Variants in MAP4K4 observed in about 807,000 individuals in gnomAD.
MAP4K4 encodes the protein mitogen-activated protein kinase kinase kinase kinase 4.
MAP4K4 carries 38 observed loss-of-function variants against 189.6 expected under a neutral mutation model. The ratio of observed to expected loss-of-function variants is 0.20; its 90% CI spans 0.15 to 0.26. The LOEUF (loss-of-function observed/expected upper bound fraction) is 0.26, where lower values mean the gene tolerates loss of function less well. MAP4K4 is among the 10% of genes least tolerant of loss of function. The pLI, the probability that MAP4K4 is intolerant of heterozygous loss-of-function variation, is 1.00. For synonymous variants in MAP4K4, 610 were observed against 624.3 expected, an observed-to-expected ratio of 0.98 and a Z score of 0.34; for missense variants, 1,054 against 1,726.9, an observed-to-expected ratio of 0.61 and a Z score of 6.91.
chr2:101,864,341 GT>G (rs1327672438), intron 17 of MAP4K4, among the ~76,000 whole-genome samples: 1 of 151,992 alleles, frequency 6.6e-6, no homozygotes, highest in Non-Finnish European at 1.5e-5. Flanking sequence ...TATTTTAGCA[GT>G]TTTTTATATG....
chr2:101,737,686 T>C (rs929135813), intron 2 of MAP4K4, among the ~76,000 whole-genome samples: 2 of 151,544 alleles, frequency 1.3e-5, no homozygotes, highest in African/African-American at 2.4e-5. Context: ...TTTGAATTGC[T>C]CAAGGCTGGG....
At chr2:101,868,488 T>G (rs759206974) in intron 21 of MAP4K4, among the ~76,000 whole-genome samples, 1 of 152,264 alleles carries the variant, frequency 6.6e-6, no homozygotes, top group African/African-American at 2.4e-5. Flanking sequence ...TATGAAAATG[T>G]GGAGTATAAA....
intron 27 of MAP4K4, among the ~76,000 whole-genome samples, chr2:101,881,729 A>G (rs1383349853): frequency 6.6e-6 from 1 of 152,098 alleles, no homozygotes; most frequent in Non-Finnish European, 1.5e-5. Flanking sequence ...GAAAGTTTTT[A>G]TTATAAGTAG....
chr2:101,824,841 T>C (rs2096278932), intron 4 of MAP4K4, among the ~76,000 whole-genome samples: 1 of 152,210 alleles, frequency 6.6e-6, no homozygotes, highest in Non-Finnish European at 1.5e-5. Context: ...CTGTAAATAT[T>C]GCATTAAAAA....
At chr2:101,810,029 A>G (rs535110534) in intron 3 of MAP4K4, among the ~76,000 whole-genome samples, 50 of 152,366 alleles carry the variant, frequency 3.3e-4, no homozygotes, top group African/African-American at 1.1e-3. Context: ...TTCATTGTCT[A>G]ATTGGGTGTG....
chr2:101,813,078 A>C (rs1164078255), intron 3 of MAP4K4, among the ~76,000 whole-genome samples: 5 of 152,168 alleles, frequency 3.3e-5, no homozygotes, highest in Non-Finnish European at 7.4e-5. Flanking sequence ...GCAGTGAGCC[A>C]AGATAGTGCC....
intron 9 of MAP4K4, among the ~76,000 whole-genome samples, chr2:101,838,490 C>CT (rs1363433049): frequency 6.6e-6 from 1 of 152,184 alleles, no homozygotes; most frequent in Non-Finnish European, 1.5e-5. Context: ...TCATTATTCT[C>CT]TAACACTTCC....
intron 5 of MAP4K4, 117 bp from the exon 6 acceptor site, chr2:101,829,387 T>C (rs754147335): frequency 3.1e-6 from 2 of 652,744 alleles, no homozygotes; most frequent in Non-Finnish European, 2.8e-6. Flanking sequence ...GAAGTTAATG[T>C]TCATGAGCTC....
At chr2:101,825,264 T>C in intron 4 of MAP4K4, 55 bp from the exon 5 acceptor site, 1 of 1,133,608 alleles carries the variant, frequency 8.8e-7, no homozygotes, top group Non-Finnish European at 1.3e-6. Context: ...GTTAAACTGG[T>C]TTTCCCAATT....
At chr2:101,846,231 TAATA>T (rs891889240) in intron 12 of MAP4K4, among the ~76,000 whole-genome samples, 3 of 152,250 alleles carry the variant, frequency 2.0e-5, no homozygotes, top group Non-Finnish European at 2.9e-5. Context: ...TCTTTGAACG[TAATA>T]AATCTTGAAT....
At position 101,790,934 on chromosome 2, in the gene MAP4K4, T is replaced by A. The variant is rs3732313; in HGVS notation, c.180+158T>A. 9.2e-5 allele frequency among the ~76,000 whole-genome samples: 14 copies of A among 152,308 alleles called. No individual in the cohort carries two copies. The East Asian group carries it at 2.7e-3, about 29-fold the overall frequency. ...CATAGGTCCAGTGGACTAGTTGGCC[T>A]AAATTGTAGTACACGGTCTCCAAGT... On this transcript the variant is annotated intron_variant, in intron 3 of 32. Transcript: ENST00000324219.
At chr2:101,846,756 A>G (rs934560845) in intron 12 of MAP4K4, among the ~76,000 whole-genome samples, 2 of 152,212 alleles carry the variant, frequency 1.3e-5, no homozygotes, top group Non-Finnish European at 2.9e-5. Flanking sequence ...CTTAATTAGG[A>G]AAGATTAAGA....
Position 101,860,145 on chromosome 2 carries a change from C to T in MAP4K4, c.1704+281C>T, listed in dbSNP as rs80299415. 3,383 of 487,440 alleles carry T rather than the reference C, an allele frequency of 6.9e-3. 101 individuals carry two copies. The highest frequency in any genetic ancestry group is 0.058 in the African/African-American group (2,993 of 51,802). The allele number at this position is 487,440 out of a possible 1,614,324, so 30.2% of individuals were successfully genotyped here. A position where few individuals can be genotyped will look rare whatever the true frequency, so the allele number is the denominator to read the frequency against. On this transcript the variant is annotated intron_variant, in intron 15 of 32. Coordinates refer to ENST00000324219, the Ensembl canonical transcript of MAP4K4. Reference sequence around the variant, plus strand: ...ACTAAAAGATTACATGACACAGTCACTCTTAAAAATGTGGATGAGGGAAAG... The same window carrying T: ...ACTAAAAGATTACATGACACAGTCATTCTTAAAAATGTGGATGAGGGAAAG...
chr2:101,780,094 G>T (rs1465028879), intron 2 of MAP4K4, among the ~76,000 whole-genome samples: 1 of 152,172 alleles, frequency 6.6e-6, no homozygotes, highest in Non-Finnish European at 1.5e-5. Flanking sequence ...TATGAATAGT[G>T]TACATATACG....
chr2:101,817,207 T>C (rs1450971887), intron 3 of MAP4K4, among the ~76,000 whole-genome samples: 1 of 152,080 alleles, frequency 6.6e-6, no homozygotes, highest in African/African-American at 2.4e-5. Flanking sequence ...CTCGACGAGG[T>C]CAACTGTCAG....
intron 2 of MAP4K4, among the ~76,000 whole-genome samples, chr2:101,737,235 G>A (rs976568516): frequency 1.3e-5 from 2 of 151,764 alleles, no homozygotes; most frequent in African/African-American, 4.8e-5. Context: ...GTTTCTGGGA[G>A]ACCTGAAAAT....
intron 2 of MAP4K4, among the ~76,000 whole-genome samples, chr2:101,744,787 A>G (rs1456004947): frequency 6.6e-6 from 1 of 152,206 alleles, no homozygotes; most frequent in East Asian, 1.9e-4. Context: ...TGAGTGGCTT[A>G]AAACAAAATG....
chr2:101,760,503 A>AT (rs2075811709), intron 2 of MAP4K4, among the ~76,000 whole-genome samples: 5 of 133,158 alleles, frequency 3.8e-5, no homozygotes, highest in African/African-American at 1.2e-4. Context: ...AAAAAAACAA[A>AT]ATATATATAT....
intron 2 of MAP4K4, among the ~76,000 whole-genome samples, chr2:101,703,462 A>G (rs1265470206): frequency 6.6e-6 from 1 of 151,816 alleles, no homozygotes; most frequent in Non-Finnish European, 1.5e-5. Context: ...TACTAAAAAT[A>G]TAAAAAGTAG....
Sources: allele counts gnomAD v4.1 joint callset (sites outside exome capture counted in the v4.1 genomes callset), GRCh38; gene constraint gnomAD v4.1.1; transcripts MANE v1.5; gene names NCBI Gene and HGNC (gene_info 2026-07-23, HGNC 2026-07-21).